Variants in SSU72 observed in about 807,000 individuals in gnomAD.
SSU72 encodes the protein RNA polymerase II subunit A C-terminal domain phosphatase SSU72.
A neutral mutation model predicts 22.7 loss-of-function variants in SSU72; 12 were observed. The observed-to-expected ratio is 0.53, with a 90% CI of 0.34 to 0.86. The LOEUF is 0.86. SSU72 is among the 40% of genes least tolerant of loss of function. The probability of loss-of-function intolerance (pLI) is 0.02; values close to 1 mark genes in which losing one functional copy is unlikely to be tolerated. For synonymous variants in SSU72, 116 were observed against 98.3 expected (o/e 1.18, Z -1.06); for missense variants, 151 against 249.8 (o/e 0.60, Z 2.67).
chr1:1,544,676 C>T, intron 3 of SSU72, 187 bp downstream of exon 3: 1 of 699,234 alleles, frequency 1.4e-6, no homozygotes, highest in South Asian at 1.7e-5. Context: ...CATGAGGCTG[C>T]AGCCAGCACA....
chr1:1,574,385 T>A (rs1642780859), intron 1 of SSU72, 93 bp downstream of exon 1: 1 of 1,392,856 alleles, frequency 7.2e-7, no homozygotes, highest in Non-Finnish European at 9.8e-7. Context: ...CGGCTTCCTC[T>A]CAGGGGTCCT....
chr1:1,541,962 T>C lies in SSU72; in HGVS notation c.*104A>G, dbSNP rs1051554085. ...TCATATGCACAGTTTATTTGGGTAA[T>C]GCTACCGTCACCAGCAGAACACCTG... On this transcript the variant is annotated 3_prime_UTR_variant, in exon 5 of 5. Coordinates refer to ENST00000291386, the MANE Select transcript of SSU72 (RefSeq NM_014188.3). 9.2e-6 allele frequency: 10 copies of C among 1,086,420 alleles called. No individual in the cohort carries two copies. The African/African-American group carries it at 1.1e-4, about 12-fold the overall frequency. 67.3% of individuals were successfully genotyped at this position (1,086,420 alleles called of 1,614,324 possible).
intron 1 of SSU72, among the ~76,000 whole-genome samples, chr1:1,573,607 G>A (rs1642767318): frequency 2.6e-5 from 4 of 152,048 alleles, no homozygotes; most frequent in Admixed American, 2.6e-4. Flanking sequence ...GAGCCACCGT[G>A]CCTGGCCCAC....
intron 2 of SSU72, among the ~76,000 whole-genome samples, chr1:1,552,812 G>A (rs1642469486): frequency 6.6e-6 from 1 of 152,126 alleles, no homozygotes; most frequent in Admixed American, 6.6e-5. Context: ...CTTGAGGTCA[G>A]GAGTTTGAGA....
Position 1,571,244 on chromosome 1 carries a change from C to CAAAAAA in SSU72, c.80+3228_80+3233dup, listed in dbSNP as rs753699933. Among the ~76,000 whole-genome samples the CAAAAAA allele has an allele frequency of 5.3e-4, 25 of 46,896 alleles. 4 individuals carry two copies. Among genetic ancestry groups the CAAAAAA allele is most frequent in the Admixed American group, 2.1e-3 (8 of 3,874 alleles). The allele number at this position is 46,896 out of a possible 152,430, so 30.8% of individuals were successfully genotyped here. A position where few individuals can be genotyped will look rare whatever the true frequency, so the allele number is the denominator to read the frequency against. On this transcript the variant is annotated intron_variant, in intron 1 of 4. Coordinates refer to ENST00000291386, the MANE Select transcript of SSU72 (RefSeq NM_014188.3). ...TGGGCGACAGAGTGAGACTCCATCT[C>CAAAAAA]AAAAAAAAAAAAAAAAAAAAAAAAA...
At chr1:1,548,251 AAC>A (rs1642416628) in intron 2 of SSU72, among the ~76,000 whole-genome samples, 1 of 152,186 alleles carries the variant, frequency 6.6e-6, no homozygotes, top group Admixed American at 6.5e-5. Context: ...AGCTGAAGTT[AAC>A]ACACATCTAA....
chr1:1,566,291 G>A (rs1028751353), intron 1 of SSU72, among the ~76,000 whole-genome samples: 2 of 152,032 alleles, frequency 1.3e-5, no homozygotes, highest in Non-Finnish European at 2.9e-5. Context: ...AAGTTACTTT[G>A]GTATAGAACA....
intron 2 of SSU72, chr1:1,564,385 G>GGCA: frequency 7.8e-7 from 1 of 1,279,972 alleles, no homozygotes; most frequent in Non-Finnish European, 1.0e-6. Flanking sequence ...ATGTGTATCA[G>GGCA]GCACGCACGC....
chr1:1,551,575 C>T (rs1451051404), intron 2 of SSU72, among the ~76,000 whole-genome samples: 1 of 152,244 alleles, frequency 6.6e-6, no homozygotes, highest in African/African-American at 2.4e-5. Context: ...AGAGCCCATC[C>T]CCACTGGTCA....
intron 1 of SSU72, among the ~76,000 whole-genome samples, chr1:1,566,524 C>T (rs1642663422): frequency 1.3e-5 from 2 of 152,078 alleles, no homozygotes; most frequent in African/African-American, 4.8e-5. Context: ...AAGAATGACA[C>T]ACAGACACGT....
chr1:1,559,233 C>A (rs1006789399), intron 2 of SSU72, among the ~76,000 whole-genome samples: 2 of 152,186 alleles, frequency 1.3e-5, no homozygotes, highest in Non-Finnish European at 2.9e-5. Flanking sequence ...ATGAGCAGAC[C>A]TGTAGCACGG....
chr1:1,562,351 T>C, intron 2 of SSU72: 1 of 152,252 alleles, frequency 6.6e-6, no homozygotes, highest in Non-Finnish European at 1.5e-5. Flanking sequence ...AGGCTAAGCT[T>C]CATGGCACAG....
chr1:1,565,508 G>A (rs1390951352), intron 1 of SSU72, among the ~76,000 whole-genome samples: 2 of 152,198 alleles, frequency 1.3e-5, no homozygotes, highest in Non-Finnish European at 2.9e-5. Context: ...TTTGGCCATC[G>A]ACCAACGTCC....
chr1:1,568,138 T>C (rs1642684451), intron 1 of SSU72, among the ~76,000 whole-genome samples: 1 of 152,246 alleles, frequency 6.6e-6, no homozygotes, highest in African/African-American at 2.4e-5. Flanking sequence ...CCCAAACTGA[T>C]GCAACCGACA....
intron 2 of SSU72, among the ~76,000 whole-genome samples, chr1:1,548,648 G>A (rs1570383476): frequency 1.3e-5 from 2 of 152,166 alleles, no homozygotes; most frequent in Admixed American, 6.5e-5. Context: ...GCTGGGGGTG[G>A]GTGCAGTGGG....
At chr1:1,544,091 C>A in intron 3 of SSU72, 104 bp from the exon 4 acceptor site, 1 of 846,070 alleles carries the variant, frequency 1.2e-6, no homozygotes, top group Admixed American at 2.1e-5. Flanking sequence ...CCCAGCCCAG[C>A]CCCAGTGGTT....
At chr1:1,559,333 C>T (rs998463850) in intron 2 of SSU72, among the ~76,000 whole-genome samples, 57 of 152,162 alleles carry the variant, frequency 3.7e-4, no homozygotes, top group Non-Finnish European at 7.1e-4. Context: ...CAGCAGCAAA[C>T]GGCCTTGGGA....
intron 1 of SSU72, 100 bp downstream of exon 1, chr1:1,574,378 C>T (rs1410420957): frequency 2.4e-5 from 32 of 1,325,498 alleles, no homozygotes; most frequent in Non-Finnish European, 2.8e-5. Flanking sequence ...CCCGGCCCGG[C>T]TTCCTCTCAG....
In SSU72 at chr1:1,542,953, C is replaced by T. The variant is rs534591209; in HGVS notation, c.484-786G>A. Among the ~76,000 whole-genome samples the T allele has an allele frequency of 4.6e-5, 7 of 152,348 alleles. No individual in the cohort carries two copies. The East Asian group carries it at 9.6e-4, about 21-fold the overall frequency. On this transcript the variant is annotated intron_variant, in intron 4 of 4. Transcript: ENST00000291386. This position sits in a 1 kb window ranked among gnomAD's most constrained non-coding sequence, Gnocchi z 4.4. ...GCGGCCACACAGCAGCTTCTCCCAG[C>T]GCCCGCCCGCCTGGCTCCCGGGCTT...
Sources: gnomAD v4.1 joint callset for allele counts (sites outside exome capture counted in the v4.1 genomes callset) on GRCh38, gnomAD v4.1.1 for gene constraint, Gnocchi (gnomAD v3.1) non-coding constraint, MANE v1.5 for transcripts, NCBI Gene and HGNC (gene_info 2026-07-23, HGNC 2026-07-21) for gene names.